CIITA: variants seen among roughly 807,000 people sequenced by gnomAD.
CIITA encodes the protein class II major histocompatibility complex transactivator, also known as MHC class II transactivator.
Under a neutral mutation model 115.1 loss-of-function variants are expected in CIITA, and 72 were observed. The observed-to-expected ratio is 0.63, with a 90% CI of 0.52 to 0.76. CIITA has a LOEUF of 0.76. Ranked by LOEUF, CIITA falls within the 30% of genes least tolerant of loss-of-function variation. The probability of loss-of-function intolerance (pLI) is 0.00; values close to 1 mark genes in which losing one functional copy is unlikely to be tolerated. For synonymous variants in CIITA, 763 were observed against 635.6 expected, an observed-to-expected ratio of 1.20 and a Z score of -3.02; for missense variants, 1,617 against 1,463.8, an observed-to-expected ratio of 1.10 and a Z score of -1.71.
In CIITA at chr16:10,934,717, T is replaced by C. The variant is rs1416272028; in HGVS notation, c.*10862T>C. 6.6e-6 allele frequency: 1 copy of C among 152,216 alleles called. No individual in the cohort carries two copies. Among genetic ancestry groups the C allele is most frequent in the African/African-American group, 2.4e-5 (1 of 41,438 alleles). 9.4% of individuals were successfully genotyped at this position (152,216 alleles called of 1,614,324 possible). On this transcript the variant is annotated 3_prime_UTR_variant, in exon 20 of 20. Coordinates refer to ENST00000324288, the MANE Select transcript of CIITA (RefSeq NM_000246.4). The surrounding 1 kb of genome is among the most constrained non-coding windows in gnomAD (Gnocchi z 4.2). ...GATGGAGATGTGGGAGAGGCAGTTA[T>C]TTTTAACCACCCAGCCAAGCCCCTT...
rs1434406707 is a variant in CIITA, at chr16:10,909,171, C to T, written c.2800C>T (p.Leu934Phe). 6.2e-7 allele frequency: 1 copy of T among 1,614,198 alleles called. No individual in the cohort carries two copies. The highest frequency in any genetic ancestry group is 1.7e-5 in the Admixed American group (1 of 60,036). Reference protein sequence around the residue: ...SLKDVEDLGKLVQTQRTRSSS... With the variant: ...SLKDVEDLGKFVQTQRTRSSS... ...GAAGGATGTGGAAGACCTGGGAAAG[C>T]TTGTGCAGACTCAGAGGTGAGAGGA... Residue 934 changes from leucine (L) to phenylalanine (F), a missense_variant, in exon 12 of 20, where the codon CTT becomes TTT. By Grantham distance (22) the Leu-to-Phe change is conservative. Transcript: ENST00000324288.
At chr16:10,900,771 T>C (rs1468835345) in intron 5 of CIITA, among the ~76,000 whole-genome samples, 1 of 151,720 alleles carries the variant, frequency 6.6e-6, no homozygotes, top group Admixed American at 6.6e-5. Context: ...CAAGATACAA[T>C]AAAAGTGAAA....
chr16:10,886,290 G>C (rs1240721136), intron 1 of CIITA, among the ~76,000 whole-genome samples: 1 of 151,990 alleles, frequency 6.6e-6, no homozygotes, highest in African/African-American at 2.4e-5. Flanking sequence ...TACTTGCCTT[G>C]CTTCTGATGC....
At chr16:10,939,246 C>T (rs1429034003), downstream of CIITA, 2 of 152,302 alleles carry the variant, frequency 1.3e-5, no homozygotes, top group Admixed American at 1.3e-4. This position sits in a 1 kb window ranked among gnomAD's most constrained non-coding sequence, Gnocchi z 4.9. Flanking sequence ...GCCTCTGTCA[C>T]CTCTGGCCTG....
At chr16:10,866,610 G>T (rs1175997035) in intron 1 of CIITA, 2 of 468,188 alleles carry the variant, frequency 4.3e-6, no homozygotes, top group Non-Finnish European at 8.5e-6. Flanking sequence ...AGAAATGACA[G>T]ACTGTAGACA....
chr16:10,906,798 G>A lies in CIITA; in HGVS notation c.1306G>A (p.Ala436Thr), dbSNP rs757201187. ...CTATTGGGCTGGGGCAGTGAGCCGG[G>A]CCTGGGCTTGTGGCCGGCTTCCCCA... ...KSYWAGAVSR[A>T]WACGRLPQYD... Residue 436 changes from alanine to threonine, a missense_variant, in exon 11 of 20, where the codon GCC becomes ACC. Transcript: ENST00000324288. The A allele has an allele frequency of 6.2e-7, 1 of 1,612,240 alleles. No individual in the cohort carries two copies. Among genetic ancestry groups the A allele is most frequent in the Non-Finnish European group, 8.5e-7 (1 of 1,180,028 alleles).
chr16:10,895,466 C>T, intron 2 of CIITA, 38 bp downstream of exon 2: 5 of 1,610,622 alleles, frequency 3.1e-6, no homozygotes, highest in Non-Finnish European at 4.2e-6. Context: ...CGGTATCCCC[C>T]ACCCCTCAGC....
intron 13 of CIITA, chr16:10,915,074 A>G (rs763076831): frequency 4.4e-6 from 2 of 454,926 alleles, no homozygotes; most frequent in South Asian, 1.6e-5. Context: ...CTTTTTTGAG[A>G]CAGGGTCTCG....
chr16:10,911,811 A>G (rs2039603749), intron 13 of CIITA, among the ~76,000 whole-genome samples: 1 of 152,042 alleles, frequency 6.6e-6, no homozygotes, highest in African/African-American at 2.4e-5. Context: ...TCAGCCTCCC[A>G]AAGTGCTAGG....
chr16:10,890,119 C>G (rs971409498), intron 1 of CIITA, among the ~76,000 whole-genome samples: 3 of 152,028 alleles, frequency 2.0e-5, no homozygotes, highest in Non-Finnish European at 4.4e-5. Context: ...GGAAGTGGGG[C>G]GCTGAAATGT....
Position 10,895,655 on chromosome 16 carries a change from A to C in CIITA, c.200-14A>C, listed in dbSNP as rs1465319388. 6.2e-7 allele frequency: 1 copy of C among 1,613,872 alleles called. No individual in the cohort carries two copies. Among genetic ancestry groups the C allele is most frequent in the Non-Finnish European group, 8.5e-7 (1 of 1,179,938 alleles). ...AGAAATTTCCTTCTTCATCCAAGGG[A>C]CTTTTCCTCCCAGAACCCGACACAG... On this transcript the variant is annotated splice_polypyrimidine_tract_variant and intron_variant, in intron 2 of 19. Transcript: ENST00000324288.
Position 10,907,041 on chromosome 16 carries a change from C to G in CIITA, c.1549C>G (p.Pro517Ala). The G allele has an allele frequency of 6.2e-7, 1 of 1,607,286 alleles. No homozygotes were observed. The highest frequency in any genetic ancestry group is 8.5e-7 in the Non-Finnish European group (1 of 1,179,894). Reference protein sequence around the residue: ...QDGFLHSTCGPAPAEPCSLRG... With the variant: ...QDGFLHSTCGAAPAEPCSLRG... ...TGGCTTCCTGCACAGCACGTGCGGA[C>G]CGGCACCGGCGGAGCCCTGCTCCCT... Residue 517 changes from proline (P) to alanine (A), a missense_variant, in exon 11 of 20, where the codon CCG (proline) becomes GCG (alanine). Physicochemically the swap from Pro to Ala is conservative, Grantham distance 27. Transcript: ENST00000324288. The surrounding 1 kb of genome is among the most constrained non-coding windows in gnomAD (Gnocchi z 5.0).
At chr16:10,893,448 C>A (rs543649132) in intron 1 of CIITA, among the ~76,000 whole-genome samples, 4 of 152,212 alleles carry the variant, frequency 2.6e-5, no homozygotes, top group African/African-American at 9.6e-5. Context: ...TCTTCATCTG[C>A]CAATGGAGAC....
At chr16:10,883,142 C>T (rs2036594343) in intron 1 of CIITA, among the ~76,000 whole-genome samples, 1 of 152,110 alleles carries the variant, frequency 6.6e-6, no homozygotes, top group South Asian at 2.1e-4. Context: ...TAAGTAGAGC[C>T]GGATGGGTCA....
intron 13 of CIITA, among the ~76,000 whole-genome samples, chr16:10,912,122 GT>G (rs59035005): frequency 6.6e-6 from 1 of 151,128 alleles, no homozygotes. Flanking sequence ...ATTCGGTGCT[GT>G]TTTTTTTTGG....
In CIITA at chr16:10,941,594, C is replaced by T. The variant is rs2145447939; in HGVS notation, n.720C>T. 1.4e-6 allele frequency: 2 copies of T among 1,479,014 alleles called. No individual in the cohort carries two copies. The highest frequency in any genetic ancestry group is 1.4e-5 in the South Asian group (1 of 70,544). The allele number at this position is 1,479,014 out of a possible 1,614,324, so 91.6% of individuals were successfully genotyped here. On this transcript the variant is annotated non_coding_transcript_exon_variant, in exon 2 of 2. Coordinates refer to the CIITA transcript ENST00000573379. This position sits in a 1 kb window ranked among gnomAD's most constrained non-coding sequence, Gnocchi z 6.4. Reference sequence around the variant, plus strand: ...AGGCCTCGGAGGCAGGGGAGGGTCTCCTCCTGGGGAACCATCCCCGTCCAG... The same window carrying T: ...AGGCCTCGGAGGCAGGGGAGGGTCTTCTCCTGGGGAACCATCCCCGTCCAG...
At position 10,923,278 on chromosome 16, in the gene CIITA, A is replaced by G; in HGVS notation, c.3368A>G (p.Gln1123Arg). The stretch of plus-strand genomic sequence containing the variant: ...AGTGTCCAGGAACACCTGCAACAAC[A>G]GGATTCACGGATCAGCCTGAGATGA... ...PFSVQEHLQQ[Q>R]DSRISLR The change falls in exon 19 of 20, where the codon CAG becomes CGG. Residue 1123 changes from glutamine (Q) to arginine (R), a missense_variant. By Grantham distance (43) the Gln-to-Arg change is conservative. Coordinates refer to ENST00000324288, the MANE Select transcript of CIITA (RefSeq NM_000246.4). This position sits in a 1 kb window ranked among gnomAD's most constrained non-coding sequence, Gnocchi z 5.2. The G allele has an allele frequency of 6.4e-7, 1 of 1,571,060 alleles. No individual in the cohort carries two copies. The highest frequency in any genetic ancestry group is 8.7e-7 in the Non-Finnish European group (1 of 1,152,838).
At chr16:10,892,471 C>T (rs772353809) in intron 1 of CIITA, among the ~76,000 whole-genome samples, 8 of 152,182 alleles carry the variant, frequency 5.3e-5, no homozygotes, top group Non-Finnish European at 1.0e-4. Flanking sequence ...GCTTCAGGGC[C>T]AGCTCTCCTC....
At chr16:10,940,642 C>G (rs555758685), downstream of CIITA, 1 of 152,560 alleles carries the variant, frequency 6.6e-6, no homozygotes, top group Non-Finnish European at 1.5e-5. The surrounding 1 kb of genome is among the most constrained non-coding windows in gnomAD (Gnocchi z 4.2). Context: ...GTCTGGCTCA[C>G]GTGTTCTCTC....
Sources: allele counts gnomAD v4.1 joint callset (sites outside exome capture counted in the v4.1 genomes callset), GRCh38; gene constraint gnomAD v4.1.1; non-coding constraint Gnocchi (gnomAD v3.1); transcripts MANE v1.5; gene names NCBI Gene and HGNC (gene_info 2026-07-23, HGNC 2026-07-21).